PLCB1: variants seen among roughly 807,000 people sequenced by gnomAD.
The protein encoded by PLCB1 is phospholipase C beta 1.
Under a neutral mutation model 161.8 loss-of-function variants are expected in PLCB1, and 46 were observed. That is an observed-to-expected ratio of 0.28 (90% CI 0.22 to 0.36). The LOEUF is 0.36. PLCB1 is among the 10% of genes least tolerant of loss of function. PLCB1 has a pLI of 1.00. For synonymous variants in PLCB1, 517 were observed against 503.7 expected, an observed-to-expected ratio of 1.03 and a Z score of -0.35; for missense variants, 1,016 against 1,472.5, an observed-to-expected ratio of 0.69 and a Z score of 5.07.
chr20:8,143,503 A>G (rs1039281927), intron 1 of PLCB1, among the ~76,000 whole-genome samples: 1 of 152,206 alleles, frequency 6.6e-6, no homozygotes, highest in South Asian at 2.1e-4. Flanking sequence ...GCCTGCCCTT[A>G]TTGCGGAGAC....
intron 2 of PLCB1, among the ~76,000 whole-genome samples, chr20:8,200,171 A>G (rs2052077990): frequency 6.6e-6 from 1 of 152,128 alleles, no homozygotes; most frequent in Non-Finnish European, 1.5e-5. Flanking sequence ...ATACACAAGT[A>G]TGTCATAGCC....
At chr20:8,180,047 A>AC (rs1173263309) in intron 2 of PLCB1, among the ~76,000 whole-genome samples, 2 of 151,050 alleles carry the variant, frequency 1.3e-5, no homozygotes, top group Admixed American at 6.6e-5. Context: ...TTTAGTGGAG[A>AC]TGGGGTTTCA....
intron 3 of PLCB1, among the ~76,000 whole-genome samples, chr20:8,408,568 T>C (rs1202711072): frequency 6.6e-6 from 1 of 152,072 alleles, no homozygotes; most frequent in African/African-American, 2.4e-5. Context: ...CCTTAGCAAA[T>C]TCTCTGATAT....
intron 2 of PLCB1, among the ~76,000 whole-genome samples, chr20:8,314,613 A>G (rs138656705): frequency 1.3e-5 from 2 of 152,346 alleles, no homozygotes; most frequent in Non-Finnish European, 2.9e-5. Flanking sequence ...TGAGGACTTA[A>G]TGAATTAATA....
intron 3 of PLCB1, among the ~76,000 whole-genome samples, chr20:8,374,986 A>G (rs1198074270): frequency 6.6e-6 from 1 of 152,216 alleles, no homozygotes; most frequent in Non-Finnish European, 1.5e-5. Context: ...TAACATTTAC[A>G]GGAAATGGAA....
In PLCB1 at chr20:8,546,500, T is replaced by C. The variant is rs577145068; in HGVS notation, c.247-81794T>C. On this transcript the variant is annotated intron_variant, in intron 3 of 31. Transcript: ENST00000338037. ...AAGAGAACATCATGATTTAGATTTT[T>C]CTTATACTACCAAGAATGCCACTCT... is the stretch of plus-strand genomic sequence containing the variant. 6.6e-5 allele frequency among the ~76,000 whole-genome samples: 10 copies of C among 152,260 alleles called. No individual in the cohort carries two copies. In the South Asian group the frequency reaches 8.3e-4, roughly 13 times the overall value.
intron 12 of PLCB1, among the ~76,000 whole-genome samples, chr20:8,715,373 A>G (rs1270656639): frequency 2.0e-5 from 3 of 152,252 alleles, no homozygotes; most frequent in African/African-American, 7.2e-5. Flanking sequence ...GCCTTGTAAC[A>G]GTGGAATCAT....
At chr20:8,347,487 T>C (rs965464787) in intron 2 of PLCB1, among the ~76,000 whole-genome samples, 3 of 152,192 alleles carry the variant, frequency 2.0e-5, no homozygotes, top group Non-Finnish European at 4.4e-5. Flanking sequence ...AGGTGATATG[T>C]CTAAAATAAA....
intron 3 of PLCB1, among the ~76,000 whole-genome samples, chr20:8,496,038 A>G (rs567097697): frequency 1.3e-5 from 2 of 152,304 alleles, no homozygotes; most frequent in South Asian, 4.1e-4. Flanking sequence ...GAGCATAGAC[A>G]TTGCTTTTTT....
chr20:8,592,098 T>C (rs1001722191), intron 3 of PLCB1, among the ~76,000 whole-genome samples: 1 of 152,100 alleles, frequency 6.6e-6, no homozygotes, highest in African/African-American at 2.4e-5. Flanking sequence ...GAAATAAAGG[T>C]TTTGTACATT....
intron 31 of PLCB1, among the ~76,000 whole-genome samples, chr20:8,859,805 C>T (rs1239298229): frequency 6.6e-6 from 1 of 151,612 alleles, no homozygotes; most frequent in African/African-American, 2.4e-5. Context: ...TGTGGTGAAA[C>T]CTGGAAAATA....
chr20:8,246,571 C>G (rs953937624), intron 2 of PLCB1, among the ~76,000 whole-genome samples: 1 of 151,882 alleles, frequency 6.6e-6, no homozygotes, highest in East Asian at 1.9e-4. Flanking sequence ...GGAATTACTA[C>G]CAGGACACAT....
chr20:8,612,906 G>T (rs1313614888), intron 3 of PLCB1, among the ~76,000 whole-genome samples: 1 of 152,070 alleles, frequency 6.6e-6, no homozygotes, highest in Non-Finnish European at 1.5e-5. Flanking sequence ...AAGAATTTGG[G>T]GTTCTAACTA....
At chr20:8,464,196 T>C (rs1046890947) in intron 3 of PLCB1, among the ~76,000 whole-genome samples, 2 of 152,202 alleles carry the variant, frequency 1.3e-5, no homozygotes, top group Non-Finnish European at 2.9e-5. Flanking sequence ...AATCTCTTCC[T>C]CTGGTTGCTT....
chr20:8,580,780 C>T (rs1006021211), intron 3 of PLCB1, among the ~76,000 whole-genome samples: 4 of 152,164 alleles, frequency 2.6e-5, no homozygotes, highest in African/African-American at 9.7e-5. Flanking sequence ...GCAGTCAACT[C>T]TGTTGGAATT....
chr20:8,139,343 A>G (rs989274599), intron 1 of PLCB1, among the ~76,000 whole-genome samples: 1 of 152,010 alleles, frequency 6.6e-6, no homozygotes, highest in African/African-American at 2.4e-5. Context: ...TAATCTGCCC[A>G]CCTCGGCCTC....
At chr20:8,172,931 G>T (rs1483843059) in intron 2 of PLCB1, among the ~76,000 whole-genome samples, 1 of 152,202 alleles carries the variant, frequency 6.6e-6, no homozygotes, top group Non-Finnish European at 1.5e-5. Context: ...AGCAACAGAA[G>T]GTGGTTCAGG....
rs1350188235 is a variant in PLCB1 at position 8,433,818 on chromosome 20, A to G, written c.246+62368A>G. ...CCCAGGAGTGCTTTAAATGATGTCT[A>G]CTTGTACATAGATGCTCAAAATTTT... On this transcript the variant is annotated intron_variant, in intron 3 of 31. Transcript: ENST00000338037. 2.0e-5 allele frequency among the ~76,000 whole-genome samples: 3 copies of G among 152,104 alleles called. 1 individual carries two copies. The highest frequency in any genetic ancestry group is 7.2e-5 in the African/African-American group (3 of 41,418).
intron 3 of PLCB1, among the ~76,000 whole-genome samples, chr20:8,395,806 G>A (rs1387414061): frequency 6.6e-6 from 1 of 151,356 alleles, no homozygotes; most frequent in African/African-American, 2.4e-5. Context: ...CTAGAAATCT[G>A]TTTTTCCCAT....
Sources: gnomAD v4.1 joint callset for allele counts (sites outside exome capture counted in the v4.1 genomes callset) on GRCh38, gnomAD v4.1.1 for gene constraint, MANE v1.5 for transcripts, NCBI Gene and HGNC (gene_info 2026-07-23, HGNC 2026-07-21) for gene names.